The following TRAPPC13 variants were observed in gnomAD, a reference collection of about 807,000 sequenced individuals.
The protein encoded by TRAPPC13 is REV7-interacting novel NHEJ regulator 1.
In TRAPPC13, 39 loss-of-function variants were observed where a neutral mutation model predicts 54.0. That is an observed-to-expected ratio of 0.72 (90% CI 0.56 to 0.94). The LOEUF is 0.94. Among genes scored for constraint, TRAPPC13 ranks in the 40% least tolerant of loss-of-function variants. The pLI, the probability that TRAPPC13 is intolerant of heterozygous loss-of-function variation, is 0.00. For synonymous variants in TRAPPC13, 148 were observed against 167.7 expected (o/e 0.88, Z 0.91); for missense variants, 386 against 488.1 (o/e 0.79, Z 1.97).
At chr5:65,646,958 A>G in intron 4 of TRAPPC13, 97 bp from the exon 5 acceptor site, 3 of 1,166,078 alleles carry the variant, frequency 2.6e-6, no homozygotes, top group Non-Finnish European at 3.5e-6. Flanking sequence ...TTCTTTCCTA[A>G]TTCTTATTCC....
intron 4 of TRAPPC13, among the ~76,000 whole-genome samples, chr5:65,645,020 A>C (rs898660110): frequency 4.6e-5 from 7 of 151,922 alleles, no homozygotes; most frequent in African/African-American, 1.5e-4. Context: ...AACATGGTGA[A>C]ACCCCATCTC....
At chr5:65,659,301 A>G (rs1367333089) in intron 9 of TRAPPC13, among the ~76,000 whole-genome samples, 1 of 152,220 alleles carries the variant, frequency 6.6e-6, no homozygotes, top group East Asian at 1.9e-4. Context: ...TTACTATATT[A>G]TGCAAAATAG....
At chr5:65,629,834 A>G (rs1445736847) in intron 1 of TRAPPC13, 2 of 1,535,996 alleles carry the variant, frequency 1.3e-6, no homozygotes, top group East Asian at 4.9e-5. Flanking sequence ...TAAGTCACAC[A>G]GTTATGATTG....
chr5:65,639,480 C>T (rs973207044), intron 4 of TRAPPC13, among the ~76,000 whole-genome samples: 1 of 151,936 alleles, frequency 6.6e-6, no homozygotes, highest in East Asian at 1.9e-4. Flanking sequence ...GGAAACATAA[C>T]GAGACTCCCA....
At chr5:65,649,746 T>A (rs758241189) in intron 5 of TRAPPC13, among the ~76,000 whole-genome samples, 13 of 152,328 alleles carry the variant, frequency 8.5e-5, no homozygotes, top group East Asian at 5.8e-4. Flanking sequence ...GTTACAAGTA[T>A]TTTATCCTAG....
chr5:65,640,057 C>T (rs562955797), intron 4 of TRAPPC13, among the ~76,000 whole-genome samples: 14 of 152,166 alleles, frequency 9.2e-5, no homozygotes, highest in African/African-American at 3.1e-4. Context: ...TTTGTGCATA[C>T]ACGTACATAT....
chr5:65,648,713 G>T lies in TRAPPC13; in HGVS notation c.428+1531G>T, dbSNP rs1561771462. On this transcript the variant is annotated intron_variant, in intron 5 of 12. Coordinates refer to ENST00000399438, the MANE Select transcript of TRAPPC13 (RefSeq NM_024941.4). ...TACTAGGCAGCACAAGTATAAAGGAGAAATTAAATTACCTGCTAATGTTAC... is the reference window on the plus strand; with the variant it reads ...TACTAGGCAGCACAAGTATAAAGGATAAATTAAATTACCTGCTAATGTTAC... 3.9e-5 allele frequency among the ~76,000 whole-genome samples: 6 copies of T among 152,078 alleles called. No homozygotes were observed. The South Asian group carries it at 1.0e-3, about 26-fold the overall frequency.
At chr5:65,633,487 C>A (rs468690) in intron 1 of TRAPPC13, among the ~76,000 whole-genome samples, 90,098 of 151,434 alleles carry the variant, frequency 0.59, 27,129 homozygotes, top group South Asian at 0.64. Flanking sequence ...TCACCGTGGT[C>A]TCGATCTCCT....
At chr5:65,650,320 C>T (rs1174369184) in intron 5 of TRAPPC13, among the ~76,000 whole-genome samples, 1 of 151,760 alleles carries the variant, frequency 6.6e-6, no homozygotes, top group Non-Finnish European at 1.5e-5. Context: ...CACCACCACA[C>T]CCAGCTAATT....
intron 11 of TRAPPC13, chr5:65,663,329 A>G (rs1467384598): frequency 6.6e-6 from 1 of 152,090 alleles, no homozygotes; most frequent in Non-Finnish European, 1.5e-5. Flanking sequence ...GCCCCTACAC[A>G]CCAGGGACAT....
intron 1 of TRAPPC13, among the ~76,000 whole-genome samples, chr5:65,626,692 C>T (rs547093627): frequency 2.6e-5 from 4 of 151,890 alleles, no homozygotes; most frequent in Non-Finnish European, 4.4e-5. Context: ...TCCGAGATCA[C>T]GCCACTGCAC....
At chr5:65,630,220 A>G (rs768755577) in intron 1 of TRAPPC13, 32 of 1,535,846 alleles carry the variant, frequency 2.1e-5, no homozygotes, top group Non-Finnish European at 2.6e-5. Flanking sequence ...TAGGCCAAAT[A>G]TGGGTGTTCT....
rs1288827448 is a variant in TRAPPC13, at chr5:65,665,482, A to G, written c.*871A>G. On this transcript the variant is annotated 3_prime_UTR_variant, in exon 13 of 13. Transcript: ENST00000399438. ...GTATATTATACCTACAAACATACATATCTTTCAGCTACTGAACACATCAGA... is the reference window on the plus strand; with the variant it reads ...GTATATTATACCTACAAACATACATGTCTTTCAGCTACTGAACACATCAGA... 1.3e-5 allele frequency: 2 copies of G among 152,190 alleles called. No individual in the cohort carries two copies. Among genetic ancestry groups the G allele is most frequent in the East Asian group, 1.9e-4 (1 of 5,192 alleles). The allele number at this position is 152,190 out of a possible 1,614,324, so 9.4% of individuals were successfully genotyped here.
Position 65,664,387 on chromosome 5 carries a change from A to G in TRAPPC13, c.1146+3A>G. The G allele has an allele frequency of 6.2e-7, 1 of 1,607,870 alleles. No individual in the cohort carries two copies. The highest frequency in any genetic ancestry group is 8.5e-7 in the Non-Finnish European group (1 of 1,177,324). On this transcript the variant is annotated splice_donor_region_variant and intron_variant, in intron 12 of 12. Coordinates refer to ENST00000399438, the MANE Select transcript of TRAPPC13 (RefSeq NM_024941.4). ...TTTCTTCAGTACAGGGACTGCAAGTATGCTGTCTTTTCAAAAATTCCAATA... is the reference window on the plus strand; with the variant it reads ...TTTCTTCAGTACAGGGACTGCAAGTGTGCTGTCTTTTCAAAAATTCCAATA...
intron 1 of TRAPPC13, 54 bp downstream of exon 1, chr5:65,625,160 T>TTGC: frequency 6.8e-7 from 1 of 1,461,648 alleles, no homozygotes; most frequent in Non-Finnish European, 9.6e-7. Flanking sequence ...ATTCCCTACT[T>TTGC]ATCGAAGCCT....
intron 11 of TRAPPC13, 145 bp downstream of exon 11, chr5:65,662,295 C>A (rs2150694315): frequency 1.9e-6 from 1 of 523,634 alleles, no homozygotes; most frequent in East Asian, 3.4e-5. Flanking sequence ...CTGTAAAATT[C>A]TTCATCTGGT....
intron 9 of TRAPPC13, among the ~76,000 whole-genome samples, chr5:65,660,372 A>G (rs1261886845): frequency 6.6e-6 from 1 of 151,742 alleles, no homozygotes; most frequent in African/African-American, 2.4e-5. Flanking sequence ...GTGAGCTATG[A>G]TCATACCACT....
chr5:65,632,875 C>G (rs76024714), intron 1 of TRAPPC13, among the ~76,000 whole-genome samples: 4,994 of 152,206 alleles, frequency 0.033, 271 homozygotes, highest in African/African-American at 0.11. Flanking sequence ...CTTACACTTT[C>G]AAAATAATGT....
rs560542465 is a variant in TRAPPC13, at chr5:65,638,865, C to T, written c.300+1085C>T. 1.2e-4 allele frequency among the ~76,000 whole-genome samples: 19 copies of T among 152,260 alleles called. No homozygotes were observed. In the South Asian group the frequency reaches 3.7e-3, roughly 30 times the overall value. ...TTGGGAGGCCAAGGCGGGTGGATCA[C>T]TTGAGTTCAGGAGTTCGAGACCATC... is the stretch of plus-strand genomic sequence containing the variant. On this transcript the variant is annotated intron_variant, in intron 4 of 12. Transcript: ENST00000399438.
Sources: allele counts gnomAD v4.1 joint callset (sites outside exome capture counted in the v4.1 genomes callset), GRCh38; gene constraint gnomAD v4.1.1; transcripts MANE v1.5; gene names NCBI Gene and HGNC (gene_info 2026-07-23, HGNC 2026-07-21).